Variants in AFF2 observed in about 807,000 individuals in gnomAD.
The protein encoded by AFF2 is AF4/FMR2 family member 2.
AFF2 carries 14 observed loss-of-function variants against 76.9 expected under a neutral mutation model. The ratio of observed to expected loss-of-function variants is 0.18; its 90% CI spans 0.12 to 0.28. The LOEUF is 0.28. Ranked by LOEUF, AFF2 falls within the 10% of genes least tolerant of loss-of-function variation. AFF2 has a pLI of 1.00. For synonymous variants in AFF2, 398 were observed against 366.7 expected (o/e 1.09, Z -0.98); for missense variants, 868 against 1,001.1 (o/e 0.87, Z 1.79).
chrX:148,699,290 G>A (rs1405150352), intron 3 of AFF2, among the ~76,000 whole-genome samples: 3 of 112,249 alleles, frequency 2.7e-5, no homozygotes, highest in East Asian at 5.6e-4. Flanking sequence ...ATGGAAGTGC[G>A]CATAGGTATA....
At chrX:148,844,843 T>C (rs1477561726) in intron 7 of AFF2, among the ~76,000 whole-genome samples, 3 of 111,334 alleles carry the variant, frequency 2.7e-5, no homozygotes, top group Admixed American at 9.6e-5. Context: ...AATTCAAAGT[T>C]CAATTTCAAC....
intron 2 of AFF2, among the ~76,000 whole-genome samples, chrX:148,653,820 G>T (rs899070036): frequency 9.0e-6 from 1 of 111,711 alleles, no homozygotes; most frequent in Non-Finnish European, 1.9e-5. Flanking sequence ...GTGGTATCAT[G>T]AACAAGTTTT....
In AFF2 at chrX:148,536,090, G is replaced by A. The variant is rs575805077; in HGVS notation, c.47+34946G>A. 4.2e-4 allele frequency among the ~76,000 whole-genome samples: 46 copies of A among 109,555 alleles called. 1 individual carries two copies. The highest frequency in any genetic ancestry group is 3.6e-3 in the South Asian group (9 of 2,501). On this transcript the variant is annotated intron_variant, in intron 1 of 20. Coordinates refer to ENST00000370460, the MANE Select transcript of AFF2 (RefSeq NM_002025.4). ...AAAAATTAGCCGGGCATGGTGGTGC[G>A]CCCCTGCTACTCGGGAGGCTGAGGC...
At chrX:148,708,779 A>G (rs2054920498) in intron 3 of AFF2, among the ~76,000 whole-genome samples, 1 of 112,486 alleles carries the variant, frequency 8.9e-6, no homozygotes, top group African/African-American at 3.2e-5. Context: ...GTAAGATTCT[A>G]TTTTGAAGTC....
intron 1 of AFF2, among the ~76,000 whole-genome samples, chrX:148,581,143 A>C (rs1483217213): frequency 1.3e-5 from 1 of 78,466 alleles, no homozygotes; most frequent in African/African-American, 4.0e-5. Context: ...ACGTATACAC[A>C]CATATACATA....
At position 148,997,710 on chromosome X, in the gene AFF2, A is replaced by C. The variant is rs2072621977; in HGVS notation, c.*6378A>C. 9.4e-6 allele frequency: 1 copy of C among 106,686 alleles called. No individual in the cohort carries two copies. The highest frequency in any genetic ancestry group is 2.0e-5 in the Non-Finnish European group (1 of 49,365). The allele number at this position is 106,686 out of a possible 1,213,427, so 8.8% of individuals were successfully genotyped here. A position where few individuals can be genotyped will look rare whatever the true frequency, so the allele number is the denominator to read the frequency against. ...CCGGGTCTGATTTAATTGGCATTAC[A>C]CTTACACAGGGACTCTGAGCACCCC... is the stretch of plus-strand genomic sequence containing the variant. On this transcript the variant is annotated 3_prime_UTR_variant, in exon 21 of 21. Transcript: ENST00000370460.
chrX:148,929,701 A>G (rs1452956914), intron 9 of AFF2, among the ~76,000 whole-genome samples: 1 of 112,009 alleles, frequency 8.9e-6, no homozygotes, highest in Non-Finnish European at 1.9e-5. Flanking sequence ...CTTAGCTAAG[A>G]GTCTGGAACC....
At chrX:148,638,294 C>T (rs782724443) in intron 1 of AFF2, among the ~76,000 whole-genome samples, 1 of 110,796 alleles carries the variant, frequency 9.0e-6, no homozygotes, top group Non-Finnish European at 1.9e-5. Context: ...CAGGGGAGGC[C>T]CCTGAAAGTT....
chrX:148,839,399 T>A (rs1425950359), intron 5 of AFF2, among the ~76,000 whole-genome samples: 4 of 112,284 alleles, frequency 3.6e-5, no homozygotes, highest in African/African-American at 1.3e-4. Flanking sequence ...CACGTCATTC[T>A]AAGCACTTAA....
At chrX:148,984,021 G>A (rs948803546) in intron 19 of AFF2, among the ~76,000 whole-genome samples, 2 of 98,422 alleles carry the variant, frequency 2.0e-5, no homozygotes, top group Non-Finnish European at 4.0e-5. Flanking sequence ...CAACAAACAT[G>A]TGGCATACTA....
intron 1 of AFF2, among the ~76,000 whole-genome samples, chrX:148,576,852 A>G (rs186318360): frequency 9.1e-6 from 1 of 110,042 alleles, no homozygotes; most frequent in Admixed American, 9.7e-5. Flanking sequence ...TTCATAATAC[A>G]ATTATTTTTA....
intron 1 of AFF2, among the ~76,000 whole-genome samples, chrX:148,508,936 A>G (rs1557232824): frequency 9.0e-6 from 1 of 111,511 alleles, no homozygotes; most frequent in African/African-American, 3.3e-5. Flanking sequence ...ACTGAGGCCC[A>G]GGATGGGAAA....
intron 8 of AFF2, among the ~76,000 whole-genome samples, chrX:148,897,401 C>T (rs111971474): frequency 0.065 from 6,458 of 99,366 alleles, 585 homozygotes; most frequent in African/African-American, 0.22. Context: ...GAATACCAGA[C>T]CTTAAAATGA....
At chrX:148,545,506 C>G (rs1557238032) in intron 1 of AFF2, among the ~76,000 whole-genome samples, 1 of 111,354 alleles carries the variant, frequency 9.0e-6, no homozygotes, top group African/African-American at 3.3e-5. Flanking sequence ...AGCTGGATGC[C>G]TTTTGTATCC....
At chrX:148,587,860 T>G (rs1356052426) in intron 1 of AFF2, among the ~76,000 whole-genome samples, 1 of 112,732 alleles carries the variant, frequency 8.9e-6, no homozygotes, top group Non-Finnish European at 1.9e-5. Context: ...ATTCATTCTA[T>G]GTATCTTCAA....
At chrX:148,882,373 A>G (rs1557278586) in intron 7 of AFF2, among the ~76,000 whole-genome samples, 1 of 111,848 alleles carries the variant, frequency 8.9e-6, no homozygotes, top group Non-Finnish European at 1.9e-5. Flanking sequence ...AGTTTTATAG[A>G]TTATTCTATG....
intron 3 of AFF2, among the ~76,000 whole-genome samples, chrX:148,807,130 A>G (rs997885299): frequency 8.9e-6 from 1 of 112,247 alleles, no homozygotes; most frequent in Admixed American, 9.4e-5. Context: ...GTCAGTCATT[A>G]TTAGATGTGC....
intron 4 of AFF2, among the ~76,000 whole-genome samples, chrX:148,820,649 T>A (rs1603306263): frequency 9.0e-6 from 1 of 111,720 alleles, no homozygotes; most frequent in Admixed American, 9.5e-5. Flanking sequence ...TATTTTGAAA[T>A]GATAGTTCTT....
intron 3 of AFF2, among the ~76,000 whole-genome samples, chrX:148,736,334 ATTGTGCTTTTGAT>A (rs2055284311): frequency 9.0e-6 from 1 of 111,690 alleles, no homozygotes; most frequent in African/African-American, 3.3e-5. Flanking sequence ...GTGGTATCAC[ATTGTGCTTTTGAT>A]TTGCATTTCC....
Sources: allele counts gnomAD v4.1 joint callset (sites outside exome capture counted in the v4.1 genomes callset), GRCh38; gene constraint gnomAD v4.1.1; transcripts MANE v1.5; gene names NCBI Gene and HGNC (gene_info 2026-07-23, HGNC 2026-07-21).